The following EPHA6 variants were observed in gnomAD, a reference collection of about 807,000 sequenced individuals.
EPHA6 encodes the protein EPH receptor A6, also known as ephrin type-A receptor 6.
EPHA6 carries 50 observed loss-of-function variants against 112.0 expected under a neutral mutation model. That is an observed-to-expected ratio of 0.45 (90% CI 0.36 to 0.56). The LOEUF is 0.56. Ranked by LOEUF, EPHA6 falls within the 20% of genes least tolerant of loss-of-function variation. The pLI is 0.00. For synonymous variants in EPHA6, 529 were observed against 490.7 expected (o/e 1.08, Z -1.03); for missense variants, 1,280 against 1,417.4 (o/e 0.90, Z 1.56).
intron 12 of EPHA6, among the ~76,000 whole-genome samples, chr3:97,608,787 A>T (rs1253965960): frequency 6.6e-6 from 1 of 151,322 alleles, no homozygotes; most frequent in Non-Finnish European, 1.5e-5. Context: ...GTTAGGAAAG[A>T]TGAGGTGCAT....
chr3:97,164,013 G>A (rs1421656497), intron 3 of EPHA6, among the ~76,000 whole-genome samples: 2 of 152,134 alleles, frequency 1.3e-5, no homozygotes, highest in African/African-American at 4.8e-5. Context: ...ATGCCTTCAG[G>A]TTATTTTTGT....
chr3:96,868,430 A>T (rs948511718), intron 2 of EPHA6, among the ~76,000 whole-genome samples: 1 of 151,876 alleles, frequency 6.6e-6, no homozygotes, highest in African/African-American at 2.4e-5. Flanking sequence ...AAAATAATCT[A>T]GGTATCAATA....
intron 5 of EPHA6, among the ~76,000 whole-genome samples, chr3:97,338,026 G>A (rs544936702): frequency 6.6e-6 from 1 of 152,022 alleles, no homozygotes; most frequent in Non-Finnish European, 1.5e-5. Context: ...TATGAGTTTT[G>A]ATATCGTTGG....
intron 2 of EPHA6, among the ~76,000 whole-genome samples, chr3:96,897,542 G>T (rs1042710710): frequency 6.6e-6 from 1 of 152,158 alleles, no homozygotes; most frequent in African/African-American, 2.4e-5. Context: ...GTTTAGAAAT[G>T]CAGTCTTCAT....
chr3:97,388,040 C>T (rs1039131273), intron 5 of EPHA6, among the ~76,000 whole-genome samples: 21 of 152,146 alleles, frequency 1.4e-4, no homozygotes, highest in African/African-American at 4.3e-4. Context: ...GAGAACAGCA[C>T]AAATGAAGTC....
At chr3:97,683,565 C>A (rs1576280919) in intron 14 of EPHA6, among the ~76,000 whole-genome samples, 1 of 152,152 alleles carries the variant, frequency 6.6e-6, no homozygotes, top group East Asian at 1.9e-4. Flanking sequence ...AGGAGAGTGG[C>A]TGGCAAAAAT....
chr3:97,077,434 C>G (rs898476711), intron 3 of EPHA6, among the ~76,000 whole-genome samples: 2 of 152,130 alleles, frequency 1.3e-5, no homozygotes, highest in Non-Finnish European at 2.9e-5. Flanking sequence ...TACATGTGCA[C>G]AACGTGCAGG....
At chr3:97,240,864 C>T (rs539209016) in intron 4 of EPHA6, among the ~76,000 whole-genome samples, 1 of 151,892 alleles carries the variant, frequency 6.6e-6, no homozygotes, top group South Asian at 2.1e-4. Flanking sequence ...ATTTGAGCAA[C>T]AAACTGATTT....
chr3:97,476,636 A>G (rs958184130), intron 8 of EPHA6, among the ~76,000 whole-genome samples: 7 of 152,174 alleles, frequency 4.6e-5, no homozygotes, highest in African/African-American at 7.2e-5. Flanking sequence ...GAACTTGACA[A>G]GTACTTTGCA....
At chr3:97,434,262 T>A (rs150344144) in intron 6 of EPHA6, among the ~76,000 whole-genome samples, 1 of 152,278 alleles carries the variant, frequency 6.6e-6, no homozygotes, top group East Asian at 1.9e-4. Context: ...ATCAGTAATT[T>A]ATTGAGTGAT....
intron 10 of EPHA6, among the ~76,000 whole-genome samples, chr3:97,496,956 C>T (rs1028890663): frequency 6.6e-6 from 1 of 152,098 alleles, no homozygotes; most frequent in Admixed American, 6.6e-5. Flanking sequence ...GTCAATTTAT[C>T]ATCATTCCCT....
At chr3:97,252,118 T>G (rs1296131245) in intron 5 of EPHA6, among the ~76,000 whole-genome samples, 1 of 152,120 alleles carries the variant, frequency 6.6e-6, no homozygotes, top group Non-Finnish European at 1.5e-5. Flanking sequence ...GTGTCTCAAG[T>G]AGGCCAGAAC....
At chr3:97,379,157 C>G (rs916274644) in intron 5 of EPHA6, among the ~76,000 whole-genome samples, 7 of 152,114 alleles carry the variant, frequency 4.6e-5, no homozygotes, top group Admixed American at 3.9e-4. Flanking sequence ...GTGAATAAGT[C>G]TCACACTATC....
chr3:97,672,234 GCT>G (rs2030920683), intron 14 of EPHA6, among the ~76,000 whole-genome samples: 1 of 152,034 alleles, frequency 6.6e-6, no homozygotes, highest in Non-Finnish European at 1.5e-5. Flanking sequence ...CTTTTACAGG[GCT>G]ACCAAATAAT....
intron 3 of EPHA6, among the ~76,000 whole-genome samples, chr3:97,093,143 A>T (rs929424042): frequency 6.6e-6 from 1 of 152,192 alleles, no homozygotes; most frequent in African/African-American, 2.4e-5. Flanking sequence ...CCTTGGTTAT[A>T]CAGCTACTTC....
chr3:96,875,242 A>T (rs2036875840), intron 2 of EPHA6, among the ~76,000 whole-genome samples: 1 of 152,114 alleles, frequency 6.6e-6, no homozygotes, highest in Non-Finnish European at 1.5e-5. Flanking sequence ...AATCATCCAA[A>T]GCTGATGGCT....
chr3:97,597,339 C>G (rs1356598731), intron 12 of EPHA6, among the ~76,000 whole-genome samples: 1 of 152,084 alleles, frequency 6.6e-6, no homozygotes, highest in African/African-American at 2.4e-5. Flanking sequence ...GCAAAGATAG[C>G]GTGAGACTTC....
chr3:97,129,543 T>C (rs1286723352), intron 3 of EPHA6, among the ~76,000 whole-genome samples: 1 of 151,346 alleles, frequency 6.6e-6, no homozygotes, highest in Admixed American at 6.6e-5. Context: ...CAAAAAAAAG[T>C]ACAGTGGTAA....
At chr3:97,374,006 G>C (rs988693568) in intron 5 of EPHA6, among the ~76,000 whole-genome samples, 1 of 152,028 alleles carries the variant, frequency 6.6e-6, no homozygotes, top group Non-Finnish European at 1.5e-5. Context: ...ACTTTTCAAA[G>C]CTTTTTCAGA....
Sources: gnomAD v4.1 joint callset for allele counts (sites outside exome capture counted in the v4.1 genomes callset) on GRCh38, gnomAD v4.1.1 for gene constraint, MANE v1.5 for transcripts, NCBI Gene and HGNC (gene_info 2026-07-23, HGNC 2026-07-21) for gene names.